The following C7orf78 variants were observed in gnomAD, a reference collection of about 807,000 sequenced individuals.
C7orf78 encodes the protein chromosome 7 open reading frame 78, also known as putative uncharacterized protein C7orf78.
At chr7:12,511,131 T>C in the C7orf78 span, among the ~76,000 whole-genome samples, 2 of 152,098 alleles carry the variant, frequency 1.3e-5, no homozygotes, top group Non-Finnish European at 2.9e-5. Context: ...AACTATGTAT[T>C]GAAGAGGGTT....
chr7:12,491,708 C>G, the C7orf78 span: 7 of 152,200 alleles, frequency 4.6e-5, no homozygotes, highest in Non-Finnish European at 1.5e-5. Flanking sequence ...ACTCATCTCT[C>G]TTTACAAGCA....
the C7orf78 span, among the ~76,000 whole-genome samples, chr7:12,515,216 G>A: frequency 6.6e-6 from 1 of 152,098 alleles, no homozygotes; most frequent in Non-Finnish European, 1.5e-5. Flanking sequence ...GGACCCAGTG[G>A]GAGATAATTT....
the C7orf78 span, among the ~76,000 whole-genome samples, chr7:12,492,913 C>A: frequency 1.3e-5 from 2 of 152,148 alleles, no homozygotes; most frequent in African/African-American, 4.8e-5. Context: ...TTTAAATCTA[C>A]AAAATCCACA....
chr7:12,496,956 T>TA, the C7orf78 span, among the ~76,000 whole-genome samples: 1 of 152,330 alleles, frequency 6.6e-6, no homozygotes, highest in African/African-American at 2.4e-5. Context: ...TTTGGCTTCT[T>TA]AGTTTATAAA....
the C7orf78 span, among the ~76,000 whole-genome samples, chr7:12,510,168 A>G: frequency 1.1e-4 from 4 of 35,344 alleles, no homozygotes; most frequent in Admixed American, 1.6e-3. Flanking sequence ...ATCTTTGCTA[A>G]TTTTGGGAGG....
the C7orf78 span, chr7:12,487,006 A>T: frequency 6.6e-6 from 1 of 151,944 alleles, no homozygotes; most frequent in African/African-American, 2.4e-5. Flanking sequence ...TCTAAGAAGT[A>T]TCCATTTGTG....
At chr7:12,532,381 C>G in the C7orf78 span, among the ~76,000 whole-genome samples, 5,985 of 152,060 alleles carry the variant, frequency 0.039, 134 homozygotes, top group African/African-American at 0.054. Context: ...AACCCTGTCT[C>G]TACTGAAAAT....
At chr7:12,487,284 A>G in the C7orf78 span, among the ~76,000 whole-genome samples, 5 of 152,100 alleles carry the variant, frequency 3.3e-5, no homozygotes, top group African/African-American at 1.2e-4. Context: ...AAGAGAAGTC[A>G]GGGATTAAAT....
At chr7:12,538,184 A>G in the C7orf78 span, 2 of 152,166 alleles carry the variant, frequency 1.3e-5, no homozygotes, top group African/African-American at 4.8e-5. Context: ...TAATTGGGAG[A>G]TTCTTTGCAA....
chr7:12,503,624 T>G, the C7orf78 span, among the ~76,000 whole-genome samples: 1 of 152,078 alleles, frequency 6.6e-6, no homozygotes, highest in Non-Finnish European at 1.5e-5. Context: ...TTTTTTTAAT[T>G]ATACTTTAAG....
At chr7:12,506,416 A>G in the C7orf78 span, among the ~76,000 whole-genome samples, 22,080 of 152,198 alleles carry the variant, frequency 0.15, 1,752 homozygotes, top group Middle Eastern at 0.23. Flanking sequence ...GATAGACTGG[A>G]TAGAGAAAAT....
chr7:12,510,038 GAAA>G, the C7orf78 span, among the ~76,000 whole-genome samples: 7 of 137,864 alleles, frequency 5.1e-5, no homozygotes, highest in Admixed American at 1.4e-4. Context: ...CCATCTCAAG[GAAA>G]AAAAAAAAAA....
At chr7:12,519,934 T>C in the C7orf78 span, among the ~76,000 whole-genome samples, 1 of 152,196 alleles carries the variant, frequency 6.6e-6, no homozygotes, top group Admixed American at 6.5e-5. Flanking sequence ...GCCACTTAGA[T>C]CTCAGGAGTG....
chr7:12,524,101 G>A, the C7orf78 span, among the ~76,000 whole-genome samples: 23 of 152,146 alleles, frequency 1.5e-4, no homozygotes, highest in African/African-American at 2.7e-4. Context: ...GTGTATTCCA[G>A]TGGGAAAATG....
At chr7:12,518,920 C>T in the C7orf78 span, among the ~76,000 whole-genome samples, 2 of 152,038 alleles carry the variant, frequency 1.3e-5, no homozygotes, top group Admixed American at 6.6e-5. Flanking sequence ...CTGGCAGCAG[C>T]AGTGACTGCA....
the C7orf78 span, among the ~76,000 whole-genome samples, chr7:12,526,546 C>G: frequency 1.5e-3 from 221 of 152,202 alleles, 1 homozygote; most frequent in African/African-American, 4.9e-3. Context: ...ATAGTGAGAT[C>G]ACAGTTACAT....
the C7orf78 span, among the ~76,000 whole-genome samples, chr7:12,512,957 A>T: frequency 6.6e-6 from 1 of 151,976 alleles, no homozygotes; most frequent in Non-Finnish European, 1.5e-5. Context: ...CTTTATATGC[A>T]TATAGTTGTT....
At chr7:12,525,270 T>C in the C7orf78 span, among the ~76,000 whole-genome samples, 4 of 152,122 alleles carry the variant, frequency 2.6e-5, no homozygotes, top group African/African-American at 9.7e-5. Flanking sequence ...ACAAATTCTA[T>C]TTCAGTTCAA....
At chr7:12,506,122 C>G in the C7orf78 span, 1 of 152,260 alleles carries the variant, frequency 6.6e-6, no homozygotes, top group Non-Finnish European at 1.5e-5. Flanking sequence ...GAATGGCGAT[C>G]ATTAAAAAGT....
Sources: gnomAD v4.1 joint callset for allele counts (sites outside exome capture counted in the v4.1 genomes callset) on GRCh38, gnomAD v4.1.1 for gene constraint, MANE v1.5 for transcripts, NCBI Gene and HGNC (gene_info 2026-07-23, HGNC 2026-07-21) for gene names.